AFG1L: variants seen among roughly 807,000 people sequenced by gnomAD.
The protein encoded by AFG1L is AFG1 like ATPase.
A neutral mutation model predicts 62.2 loss-of-function variants in AFG1L; 53 were observed. The observed-to-expected ratio is 0.85, with a 90% CI of 0.68 to 1.07. AFG1L has a LOEUF of 1.07. Among genes scored for constraint, AFG1L ranks in the 50% least tolerant of loss-of-function variants. The probability of loss-of-function intolerance (pLI) is 0.00; values close to 1 mark genes in which losing one functional copy is unlikely to be tolerated. For synonymous variants in AFG1L, 228 were observed against 210.3 expected, an observed-to-expected ratio of 1.08 and a Z score of -0.73; for missense variants, 555 against 590.5, an observed-to-expected ratio of 0.94 and a Z score of 0.62.
intron 8 of AFG1L, among the ~76,000 whole-genome samples, chr6:108,472,785 C>CG (rs1554201495): frequency 6.7e-6 from 1 of 149,518 alleles, no homozygotes; most frequent in Non-Finnish European, 1.5e-5. Context: ...TCCCTCCCTC[C>CG]TTTCTTTTTC....
At chr6:108,433,999 T>C (rs1582581261) in intron 7 of AFG1L, among the ~76,000 whole-genome samples, 1 of 152,192 alleles carries the variant, frequency 6.6e-6, no homozygotes, top group Non-Finnish European at 1.5e-5. Flanking sequence ...CTGGGAAGCA[T>C]AGCCTTTGAC....
At chr6:108,319,441 AT>A (rs1211496126) in intron 1 of AFG1L, among the ~76,000 whole-genome samples, 6 of 150,732 alleles carry the variant, frequency 4.0e-5, no homozygotes, top group Admixed American at 6.6e-5. Context: ...CTAATTAAAA[AT>A]TTTTTTTTTT....
intron 8 of AFG1L, among the ~76,000 whole-genome samples, chr6:108,470,471 T>C (rs1206282387): frequency 4.6e-5 from 7 of 152,342 alleles, no homozygotes; most frequent in African/African-American, 1.2e-4. Flanking sequence ...AGGTGGCTCA[T>C]TGGCAGTTCT....
intron 5 of AFG1L, among the ~76,000 whole-genome samples, chr6:108,365,829 G>A (rs1190077755): frequency 2.0e-5 from 3 of 152,052 alleles, no homozygotes; most frequent in African/African-American, 7.2e-5. Flanking sequence ...CAAACAGCCT[G>A]TGTATTTTAT....
chr6:108,384,820 G>A (rs1323617982), intron 6 of AFG1L, among the ~76,000 whole-genome samples: 1 of 151,952 alleles, frequency 6.6e-6, no homozygotes, highest in African/African-American at 2.4e-5. Flanking sequence ...CACTTGATGG[G>A]CTTAATAGCA....
In AFG1L at chr6:108,335,554, A is replaced by G. The variant is rs568760082; in HGVS notation, c.364-11434A>G. Among the ~76,000 whole-genome samples the G allele has an allele frequency of 7.5e-4, 114 of 152,290 alleles. 1 individual carries two copies. Among genetic ancestry groups the G allele is most frequent in the Admixed American group, 1.1e-3 (17 of 15,278 alleles). ...TGAAGATGCCTGGAAGGCCAGTTTA[A>G]TTTCTCAGATTCAGAACAACAACAG... On this transcript the variant is annotated intron_variant, in intron 2 of 12. Transcript: ENST00000368977.
At chr6:108,314,557 C>A (rs1400978104) in intron 1 of AFG1L, among the ~76,000 whole-genome samples, 2 of 151,964 alleles carry the variant, frequency 1.3e-5, no homozygotes, top group Non-Finnish European at 2.9e-5. Context: ...CTGCCATGCC[C>A]GGCTAATTTC....
chr6:108,400,133 A>G (rs1292119910), intron 6 of AFG1L, among the ~76,000 whole-genome samples: 2 of 152,074 alleles, frequency 1.3e-5, no homozygotes. Context: ...CCTGCAAACA[A>G]GGATAATTTG....
intron 1 of AFG1L, among the ~76,000 whole-genome samples, chr6:108,316,375 C>T (rs533370223): frequency 0.023 from 1,753 of 76,232 alleles, 27 homozygotes; most frequent in Middle Eastern, 0.12. Flanking sequence ...AGCGAGACTC[C>T]GTCTCAAAAA....
intron 8 of AFG1L, among the ~76,000 whole-genome samples, chr6:108,458,384 G>T (rs1439089137): frequency 1.3e-5 from 2 of 151,820 alleles, no homozygotes; most frequent in Non-Finnish European, 2.9e-5. Context: ...AGTTTCTTTT[G>T]CAGTGTCTAA....
intron 3 of AFG1L, among the ~76,000 whole-genome samples, chr6:108,351,351 T>G (rs771562871): frequency 3.3e-5 from 5 of 152,228 alleles, no homozygotes; most frequent in Non-Finnish European, 4.4e-5. Context: ...TGTGGTCCAT[T>G]GTTGACCAAA....
chr6:108,330,220 G>A (rs933466403), intron 2 of AFG1L, among the ~76,000 whole-genome samples: 29 of 126,842 alleles, frequency 2.3e-4, no homozygotes, highest in African/African-American at 8.1e-4. Context: ...TCACTCTGTT[G>A]CCAGGCTGGA....
rs1227885880 is a variant in AFG1L, at chr6:108,399,649, T to C, written c.749-2347T>C. Among the ~76,000 whole-genome samples, 8 of 151,694 alleles carry C rather than the reference T, an allele frequency of 5.3e-5. No individual in the cohort carries two copies. The East Asian group carries it at 1.5e-3, about 29-fold the overall frequency. On this transcript the variant is annotated intron_variant, in intron 6 of 12. Transcript: ENST00000368977. ...TTGTGTCCTGCAACTTTACTGAATT[T>C]GTTTATCAGTTCTAATAGTTTTCCT...
chr6:108,321,267 G>A (rs1429029575), intron 1 of AFG1L, among the ~76,000 whole-genome samples: 1 of 152,130 alleles, frequency 6.6e-6, no homozygotes, highest in Non-Finnish European at 1.5e-5. Flanking sequence ...GGAAAATTTT[G>A]CTTATGTTTA....
At chr6:108,380,845 A>G (rs1780474862) in intron 6 of AFG1L, among the ~76,000 whole-genome samples, 1 of 152,166 alleles carries the variant, frequency 6.6e-6, no homozygotes, top group Non-Finnish European at 1.5e-5. Flanking sequence ...CCCAGTGGAA[A>G]GGTGAGTCAC....
Position 108,519,713 on chromosome 6 carries a change from C to T in AFG1L, c.1220C>T (p.Ser407Phe). 4.4e-6 allele frequency: 7 copies of T among 1,607,638 alleles called. No individual in the cohort carries two copies. The highest frequency in any genetic ancestry group is 6.0e-6 in the Non-Finnish European group (7 of 1,175,552). Residue 407 changes from serine (S) to phenylalanine (F), a missense_variant, in exon 12 of 13, where the codon TCT becomes TTT. Physicochemically the swap from Ser to Phe is radical, Grantham distance 155. Transcript: ENST00000368977. ...CTATTTCAGGTGCGTATAATTTGCT[C>T]TGCGTCGACTCCTATATCAAGCTTA... The part of the protein sequence containing the change: ...FYDLKVRIIC[S>F]ASTPISSLFL...
chr6:108,430,583 C>A (rs1771026517), intron 7 of AFG1L, among the ~76,000 whole-genome samples: 1 of 152,124 alleles, frequency 6.6e-6, no homozygotes, highest in Non-Finnish European at 1.5e-5. Flanking sequence ...GATCAAAATA[C>A]TTGATCCTTT....
At chr6:108,350,864 G>A (rs1280596260) in intron 3 of AFG1L, among the ~76,000 whole-genome samples, 1 of 152,166 alleles carries the variant, frequency 6.6e-6, no homozygotes, top group Non-Finnish European at 1.5e-5. Flanking sequence ...TGGTTTTAAG[G>A]TTAGGAGTTA....
intron 2 of AFG1L, among the ~76,000 whole-genome samples, chr6:108,332,773 A>C (rs1233948604): frequency 2.0e-5 from 3 of 151,952 alleles, no homozygotes; most frequent in Non-Finnish European, 4.4e-5. Flanking sequence ...ATGCCTGGCT[A>C]ATTTTTTGTA....
Sources: allele counts gnomAD v4.1 joint callset (sites outside exome capture counted in the v4.1 genomes callset), GRCh38; gene constraint gnomAD v4.1.1; transcripts MANE v1.5; gene names NCBI Gene and HGNC (gene_info 2026-07-23, HGNC 2026-07-21).